BICDL1: variants seen among roughly 807,000 people sequenced by gnomAD.
BICDL1 encodes BICD family like cargo adaptor 1.
BICDL1 carries 20 observed loss-of-function variants against 76.8 expected under a neutral mutation model. The observed-to-expected ratio is 0.26, with a 90% CI of 0.18 to 0.38. The LOEUF is 0.38. Among genes scored for constraint, BICDL1 ranks in the 10% least tolerant of loss-of-function variants. The pLI is 1.00. For missense variants in BICDL1, 700 were observed against 798.6 expected (o/e 0.88, Z 1.49); for synonymous variants, 383 against 337.1 (o/e 1.14, Z -1.49).
At chr12:120,059,401 G>A (rs1316807409) in intron 2 of BICDL1, among the ~76,000 whole-genome samples, 2 of 152,012 alleles carry the variant, frequency 1.3e-5, no homozygotes, top group East Asian at 3.9e-4. Context: ...TCAGCCTCCC[G>A]AGTAGCTGGG....
chr12:119,990,455 A>G (rs942861402), intron 1 of BICDL1, among the ~76,000 whole-genome samples, 158 bp downstream of exon 1: 9 of 152,164 alleles, frequency 5.9e-5, no homozygotes, highest in African/African-American at 2.2e-4. Flanking sequence ...GGATTATCAG[A>G]TTTCGTTGAA....
chr12:119,995,724 C>T (rs536155975), intron 1 of BICDL1, among the ~76,000 whole-genome samples: 36 of 152,310 alleles, frequency 2.4e-4, no homozygotes, highest in African/African-American at 8.2e-4. Flanking sequence ...CGGTGGCTCA[C>T]GCCTGTAATC....
chr12:120,046,297 T>G (rs915706808), intron 2 of BICDL1, among the ~76,000 whole-genome samples: 4 of 152,218 alleles, frequency 2.6e-5, no homozygotes, highest in Non-Finnish European at 4.4e-5. Context: ...CTGCTCTTAC[T>G]TACATTTAAT....
chr12:120,064,251 A>G (rs1185697951), intron 3 of BICDL1, among the ~76,000 whole-genome samples: 1 of 152,074 alleles, frequency 6.6e-6, no homozygotes, highest in Non-Finnish European at 1.5e-5. Context: ...AGGGGCCAGG[A>G]GCGGGGAAAG....
intron 8 of BICDL1, 93 bp from the exon 9 acceptor site, chr12:120,089,858 T>TG (rs1249841456): frequency 3.4e-6 from 5 of 1,489,094 alleles, no homozygotes; most frequent in Non-Finnish European, 4.6e-6. Flanking sequence ...TCAGAGCCTG[T>TG]TTCCTCATCC....
In BICDL1 at chr12:120,094,278, C is replaced by T. The variant is rs374413928; in HGVS notation, c.*1117C>T. 5.5e-5 allele frequency: 25 copies of T among 456,792 alleles called. No individual in the cohort carries two copies. The Middle Eastern group carries it at 1.3e-3, about 24-fold the overall frequency. 28.3% of individuals were successfully genotyped at this position (456,792 alleles called of 1,614,324 possible). A position where few individuals can be genotyped will look rare whatever the true frequency, so the allele number is the denominator to read the frequency against. On this transcript the variant is annotated 3_prime_UTR_variant, in exon 10 of 10. Transcript: ENST00000548673. ...CGATTCAGTCTCCCTCCCTCCCTCA[C>T]GTGGGGAAAGCACAGCAGGGATGCG...
intron 1 of BICDL1, 46 bp downstream of exon 1, chr12:119,990,343 G>GGGAT (rs1951492657): frequency 1.3e-6 from 2 of 1,540,250 alleles, no homozygotes; most frequent in East Asian, 5.0e-5. Context: ...GGGCCGCCCA[G>GGGAT]GCACGCGCCC....
At chr12:120,026,126 C>T (rs1952296128) in intron 2 of BICDL1, among the ~76,000 whole-genome samples, 1 of 152,226 alleles carries the variant, frequency 6.6e-6, no homozygotes, top group African/African-American at 2.4e-5. Flanking sequence ...GCATGAACCA[C>T]CGTGCCCGAC....
At chr12:120,017,135 A>G (rs1183564708) in intron 2 of BICDL1, among the ~76,000 whole-genome samples, 1 of 152,144 alleles carries the variant, frequency 6.6e-6, no homozygotes, top group Non-Finnish European at 1.5e-5. Flanking sequence ...TGACCTTGTG[A>G]TCCGCCTGCC....
intron 2 of BICDL1, among the ~76,000 whole-genome samples, chr12:120,018,271 G>A (rs892362006): frequency 2.0e-4 from 31 of 152,148 alleles, no homozygotes; most frequent in Admixed American, 1.0e-3. Flanking sequence ...CCATTCTAAC[G>A]TGAAACCAGG....
intron 7 of BICDL1, among the ~76,000 whole-genome samples, chr12:120,077,801 C>T (rs1257709954): frequency 6.6e-6 from 1 of 151,292 alleles, no homozygotes; most frequent in East Asian, 1.9e-4. Flanking sequence ...CCCCAGCCCG[C>T]CCACCCTCAC....
chr12:119,993,497 T>C (rs975846277), intron 1 of BICDL1: 1 of 152,220 alleles, frequency 6.6e-6, no homozygotes, highest in Non-Finnish European at 1.5e-5. Context: ...ATATGTCTCT[T>C]GGGGTTAAAA....
chr12:120,058,612 A>T, intron 2 of BICDL1, among the ~76,000 whole-genome samples: 2 of 139,640 alleles, frequency 1.4e-5, no homozygotes, highest in Non-Finnish European at 1.5e-5. Context: ...TTTTTTTGAG[A>T]CAGAGTCTTG....
chr12:120,009,487 C>T (rs916310416), intron 2 of BICDL1, among the ~76,000 whole-genome samples: 1 of 151,874 alleles, frequency 6.6e-6, no homozygotes, highest in African/African-American at 2.4e-5. Flanking sequence ...CTTTTTCATG[C>T]TTCTAGATTT....
chr12:120,091,982 C>T (rs1384022306), intron 9 of BICDL1: 1 of 985,278 alleles, frequency 1.0e-6, no homozygotes, highest in Admixed American at 6.1e-5. Context: ...GGGGTTTAGC[C>T]AGAAAAGCTT....
At chr12:120,085,998 TAAAAAAA>T (rs397850497) in intron 8 of BICDL1, among the ~76,000 whole-genome samples, 66 of 129,344 alleles carry the variant, frequency 5.1e-4, no homozygotes, top group African/African-American at 1.2e-3. Flanking sequence ...TTTCTCCCTT[TAAAAAAA>T]AAAAAAAAAA....
chr12:120,039,370 T>A (rs985993178), intron 2 of BICDL1, among the ~76,000 whole-genome samples: 1 of 147,940 alleles, frequency 6.8e-6, no homozygotes, highest in African/African-American at 2.5e-5. Flanking sequence ...CCGAGCGTGG[T>A]GGTTCACGCC....
intron 2 of BICDL1, among the ~76,000 whole-genome samples, chr12:120,025,040 ACTTT>A (rs1952262146): frequency 2.1e-5 from 3 of 141,136 alleles, no homozygotes; most frequent in Non-Finnish European, 4.6e-5. Flanking sequence ...GTGATATTAT[ACTTT>A]CTTTCTTTTT....
intron 4 of BICDL1, among the ~76,000 whole-genome samples, chr12:120,069,865 G>A (rs913793558): frequency 6.6e-6 from 1 of 152,180 alleles, no homozygotes. Flanking sequence ...CTACTCCAAC[G>A]TTTTTCTACC....
Sources: allele counts gnomAD v4.1 joint callset (sites outside exome capture counted in the v4.1 genomes callset), GRCh38; gene constraint gnomAD v4.1.1; transcripts MANE v1.5; gene names NCBI Gene and HGNC (gene_info 2026-07-23, HGNC 2026-07-21).